Variants in ROR1 observed in about 807,000 individuals in gnomAD.
ROR1 encodes inactive tyrosine-protein kinase transmembrane receptor ROR1.
In ROR1, 19 loss-of-function variants were observed where a neutral mutation model predicts 78.8. The observed-to-expected ratio is 0.24, with a 90% CI of 0.17 to 0.35. The LOEUF is 0.35. Among genes scored for constraint, ROR1 ranks in the 10% least tolerant of loss-of-function variants. The probability of loss-of-function intolerance (pLI) is 1.00; values close to 1 mark genes in which losing one functional copy is unlikely to be tolerated. For synonymous variants in ROR1, 386 were observed against 433.6 expected, an observed-to-expected ratio of 0.89 and a Z score of 1.36; for missense variants, 917 against 1,177.8, an observed-to-expected ratio of 0.78 and a Z score of 3.24.
intron 1 of ROR1, among the ~76,000 whole-genome samples, chr1:63,939,629 A>G (rs1645820154): frequency 6.6e-6 from 1 of 152,200 alleles, no homozygotes; most frequent in South Asian, 2.1e-4. Flanking sequence ...TTCTGATTTT[A>G]CAGTTCGCCA....
At chr1:64,089,736 G>A (rs568082058) in intron 4 of ROR1, among the ~76,000 whole-genome samples, 2 of 152,250 alleles carry the variant, frequency 1.3e-5, no homozygotes, top group African/African-American at 4.8e-5. Context: ...TGCAGGAAAA[G>A]GTTTGTTATT....
intron 1 of ROR1, among the ~76,000 whole-genome samples, chr1:63,792,258 C>A (rs1006042879): frequency 6.6e-6 from 1 of 152,170 alleles, no homozygotes; most frequent in African/African-American, 2.4e-5. Context: ...GTTTACAGTA[C>A]AACCAGCAAT....
chr1:64,090,009 C>T (rs989627411), intron 4 of ROR1, among the ~76,000 whole-genome samples: 8 of 152,066 alleles, frequency 5.3e-5, no homozygotes, highest in Non-Finnish European at 1.5e-5. Flanking sequence ...CTCTTGCCTG[C>T]CTCCATGTAA....
intron 1 of ROR1, among the ~76,000 whole-genome samples, chr1:63,884,091 A>T (rs892382706): frequency 2.6e-5 from 4 of 152,176 alleles, no homozygotes; most frequent in South Asian, 2.1e-4. Flanking sequence ...ATTTACAGGC[A>T]TTTCGGTGGC....
chr1:64,123,849 C>A (rs1319418111), intron 4 of ROR1, among the ~76,000 whole-genome samples: 6 of 151,918 alleles, frequency 3.9e-5, no homozygotes, highest in African/African-American at 1.5e-4. Context: ...ATGTGCATAC[C>A]TTTTACCCCA....
chr1:64,105,038 C>A (rs191190286), intron 4 of ROR1, among the ~76,000 whole-genome samples: 80 of 152,346 alleles, frequency 5.3e-4, no homozygotes, highest in African/African-American at 1.9e-3. Flanking sequence ...AATTGCTGTA[C>A]TGTCTTCCAC....
chr1:63,918,785 A>G (rs1645630431), intron 1 of ROR1, among the ~76,000 whole-genome samples: 1 of 152,154 alleles, frequency 6.6e-6, no homozygotes, highest in Non-Finnish European at 1.5e-5. Context: ...GTGAGGCATG[A>G]GGCTGAGTGC....
At chr1:63,910,170 G>C (rs1645559801) in intron 1 of ROR1, among the ~76,000 whole-genome samples, 1 of 152,154 alleles carries the variant, frequency 6.6e-6, no homozygotes, top group African/African-American at 2.4e-5. Flanking sequence ...ACATTTAACA[G>C]GTACTAGCTG....
chr1:63,931,604 C>T (rs908859718), intron 1 of ROR1, among the ~76,000 whole-genome samples: 7 of 152,310 alleles, frequency 4.6e-5, no homozygotes, highest in Non-Finnish European at 1.0e-4. Context: ...TGAAATCTCA[C>T]GCCTTCCTGC....
At chr1:63,787,863 C>T (rs1167069089) in intron 1 of ROR1, among the ~76,000 whole-genome samples, 1 of 152,244 alleles carries the variant, frequency 6.6e-6, no homozygotes, top group African/African-American at 2.4e-5. Context: ...GTCACTCCCT[C>T]ATTCTGGGAA....
chr1:63,904,078 A>T (rs1645509620), intron 1 of ROR1, among the ~76,000 whole-genome samples: 1 of 152,202 alleles, frequency 6.6e-6, no homozygotes, highest in Non-Finnish European at 1.5e-5. Flanking sequence ...ATGGTAGGGA[A>T]GCGGGGCCAG....
chr1:63,988,931 T>C (rs767465915), intron 1 of ROR1, among the ~76,000 whole-genome samples: 5 of 152,206 alleles, frequency 3.3e-5, no homozygotes, highest in Non-Finnish European at 5.9e-5. Context: ...TTATAAATGC[T>C]GCCATGAGTA....
chr1:63,875,548 T>G (rs1324638462), intron 1 of ROR1, among the ~76,000 whole-genome samples: 1 of 152,228 alleles, frequency 6.6e-6, no homozygotes, highest in African/African-American at 2.4e-5. Context: ...TTTTCTTCTT[T>G]CTTAACTTTA....
At chr1:63,920,472 A>G (rs1424131011) in intron 1 of ROR1, among the ~76,000 whole-genome samples, 1 of 152,206 alleles carries the variant, frequency 6.6e-6, no homozygotes, top group African/African-American at 2.4e-5. Context: ...ATTAATGCTT[A>G]AGGCTACCTT....
chr1:64,160,302 T>C (rs1649901731), intron 8 of ROR1, among the ~76,000 whole-genome samples: 1 of 132,638 alleles, frequency 7.5e-6, no homozygotes, highest in South Asian at 2.6e-4. Flanking sequence ...CTTTACTGTT[T>C]AAATTTTTTT....
rs111702812 is a variant in ROR1, at chr1:64,166,348, T to G, written c.1386+7156T>G. ...TTTCTTGGCTATTTGGGCTCTTTTT[T>G]AGTTCCATGTGAATTTTTAAATAGT... is the stretch of plus-strand genomic sequence containing the variant. On this transcript the variant is annotated intron_variant, in intron 8 of 8. Transcript: ENST00000371079. Among the ~76,000 whole-genome samples, 809 of 152,344 alleles carry G rather than the reference T, an allele frequency of 5.3e-3. 8 individuals are homozygous for G. Among genetic ancestry groups the G allele is most frequent in the African/African-American group, 0.017 (715 of 41,582 alleles).
At chr1:63,989,162 G>GTTTTTTTTTTTTT (rs1287163623) in intron 1 of ROR1, among the ~76,000 whole-genome samples, 1 of 117,396 alleles carries the variant, frequency 8.5e-6, no homozygotes, top group African/African-American at 2.9e-5. Context: ...GTCATTTTCT[G>GTTTTTTTTTTTTT]TTTTTGTTTT....
chr1:63,846,338 C>T (rs149791757), intron 1 of ROR1, among the ~76,000 whole-genome samples: 1 of 152,208 alleles, frequency 6.6e-6, no homozygotes, highest in Non-Finnish European at 1.5e-5. Flanking sequence ...CAGCCACCTG[C>T]GCGGTCTCTG....
chr1:64,087,266 T>A (rs1569718670), intron 4 of ROR1, among the ~76,000 whole-genome samples: 1 of 152,240 alleles, frequency 6.6e-6, no homozygotes, highest in African/African-American at 2.4e-5. Context: ...AATCCCTGTG[T>A]TCCTAGAAAG....
Sources: gnomAD v4.1 joint callset for allele counts (sites outside exome capture counted in the v4.1 genomes callset) on GRCh38, gnomAD v4.1.1 for gene constraint, MANE v1.5 for transcripts, NCBI Gene and HGNC (gene_info 2026-07-23, HGNC 2026-07-21) for gene names.